CDH13: variants seen among roughly 807,000 people sequenced by gnomAD.
CDH13 encodes cadherin 13.
A neutral mutation model predicts 63.8 loss-of-function variants in CDH13; 24 were observed. The ratio of observed to expected loss-of-function variants is 0.38; its 90% CI spans 0.27 to 0.53. The LOEUF (loss-of-function observed/expected upper bound fraction) is 0.53, where lower values mean the gene tolerates loss of function less well. Among genes scored for constraint, CDH13 ranks in the 20% least tolerant of loss-of-function variants. The pLI is 0.85. For synonymous variants in CDH13, 503 were observed against 355.3 expected, an observed-to-expected ratio of 1.42 and a Z score of -4.67; for missense variants, 1,049 against 903.1, an observed-to-expected ratio of 1.16 and a Z score of -2.07.
chr16:82,972,247 A>C (rs1908866612), intron 2 of CDH13, among the ~76,000 whole-genome samples: 1 of 151,956 alleles, frequency 6.6e-6, no homozygotes, highest in African/African-American at 2.4e-5. Context: ...GAAATCTACT[A>C]TAGAGAAACG....
intron 1 of CDH13, among the ~76,000 whole-genome samples, chr16:82,724,192 C>G (rs973585192): frequency 2.0e-5 from 3 of 152,200 alleles, no homozygotes; most frequent in Admixed American, 6.5e-5. Context: ...CATTTTTGTT[C>G]TCAGACAAGT....
intron 10 of CDH13, among the ~76,000 whole-genome samples, chr16:83,715,705 G>T (rs1908793829): frequency 6.6e-6 from 1 of 152,164 alleles, no homozygotes; most frequent in African/African-American, 2.4e-5. Flanking sequence ...CTGATGCTCG[G>T]TGCCAACTGT....
rs1567731430 is a variant in CDH13 at position 83,000,220 on chromosome 16, C to CTTTTTTTTTTTTTTTTTTTTTTT, written c.158-31788_158-31787insTTTTTTTTTTTTTTTTTTTTTTT. ...TCCCTAGGAATATCCACAGGTTTAGCTTATTTTTTTTTTTTTTTTTTTTTT... is the reference window on the plus strand; with the variant it reads ...TCCCTAGGAATATCCACAGGTTTAGCTTTTTTTTTTTTTTTTTTTTTTTTTATTTTTTTTTTTTTTTTTTTTTT... On this transcript the variant is annotated intron_variant, in intron 2 of 13. Transcript: ENST00000567109. Among the ~76,000 whole-genome samples the CTTTTTTTTTTTTTTTTTTTTTTT allele has an allele frequency of 8.8e-5, 3 of 33,948 alleles. 1 individual carries two copies. Among genetic ancestry groups the CTTTTTTTTTTTTTTTTTTTTTTT allele is most frequent in the African/African-American group, 3.1e-4 (3 of 9,652 alleles). The allele number at this position is 33,948 out of a possible 152,430, so 22.3% of individuals were successfully genotyped here.
chr16:83,079,888 C>T (rs763060403), intron 3 of CDH13, among the ~76,000 whole-genome samples: 17 of 152,166 alleles, frequency 1.1e-4, no homozygotes, highest in African/African-American at 3.9e-4. Context: ...TCATTAAAAA[C>T]AAGCTTATTT....
intron 10 of CDH13, among the ~76,000 whole-genome samples, chr16:83,680,303 C>G (rs1011727498): frequency 5.9e-5 from 9 of 152,180 alleles, no homozygotes; most frequent in Non-Finnish European, 1.3e-4. Flanking sequence ...CTCCCTGCTC[C>G]AGGCACCTTG....
At chr16:83,176,973 C>T (rs1567479303) in intron 4 of CDH13, among the ~76,000 whole-genome samples, 1 of 152,040 alleles carries the variant, frequency 6.6e-6, no homozygotes, top group Non-Finnish European at 1.5e-5. Context: ...GTTTTTACCC[C>T]GGATGCCATG....
rs8054668 is a variant in CDH13 at position 83,251,229 on chromosome 16, C to A, written c.636+33732C>A. Among the ~76,000 whole-genome samples the A allele has an allele frequency of 2.6e-5, 4 of 151,950 alleles. No homozygotes were observed. In the East Asian group the frequency reaches 5.8e-4, roughly 22 times the overall value. On this transcript the variant is annotated intron_variant, in intron 5 of 13. Transcript: ENST00000567109. ...TAGGATCTCTGGGCACTATTTCTTACAACTGTGTGTGAATCAACAATGATC... is the reference window on the plus strand; with the variant it reads ...TAGGATCTCTGGGCACTATTTCTTAAAACTGTGTGTGAATCAACAATGATC...
intron 5 of CDH13, among the ~76,000 whole-genome samples, chr16:83,236,230 C>T (rs911922509): frequency 1.8e-4 from 13 of 73,282 alleles, no homozygotes; most frequent in Non-Finnish European, 2.6e-4. Flanking sequence ...GCAACACACA[C>T]GCACATGCAC....
intron 8 of CDH13, among the ~76,000 whole-genome samples, chr16:83,660,532 C>G (rs1875277567): frequency 6.6e-6 from 1 of 152,198 alleles, no homozygotes; most frequent in African/African-American, 2.4e-5. Context: ...TCCCACAGCT[C>G]ACCTCCTTCT....
At chr16:83,395,592 T>A (rs929338657) in intron 6 of CDH13, among the ~76,000 whole-genome samples, 1 of 152,076 alleles carries the variant, frequency 6.6e-6, no homozygotes, top group African/African-American at 2.4e-5. Context: ...GGGTTGACAT[T>A]GAAGTGTTGA....
At chr16:82,867,615 T>G (rs2040194298) in intron 2 of CDH13, among the ~76,000 whole-genome samples, 1 of 152,212 alleles carries the variant, frequency 6.6e-6, no homozygotes. Context: ...TAATCATATT[T>G]GTACTTAACA....
intron 7 of CDH13, among the ~76,000 whole-genome samples, chr16:83,495,170 A>G (rs1263930962): frequency 1.3e-5 from 2 of 152,200 alleles, no homozygotes; most frequent in Admixed American, 6.5e-5. Flanking sequence ...CCCTGAGAAC[A>G]TATGCCCAAG....
chr16:82,734,497 G>A (rs2033568235), intron 1 of CDH13, among the ~76,000 whole-genome samples: 2 of 152,142 alleles, frequency 1.3e-5, no homozygotes, highest in Non-Finnish European at 2.9e-5. Context: ...GGCACGTGGG[G>A]GCCACTGTAG....
At chr16:83,134,739 T>C (rs538322839) in intron 4 of CDH13, among the ~76,000 whole-genome samples, 1 of 152,238 alleles carries the variant, frequency 6.6e-6, no homozygotes, top group Admixed American at 6.5e-5. Context: ...TAATAAAAGC[T>C]ATGTTCACCA....
In CDH13 at chr16:83,620,854, G is replaced by T. The variant is rs55794840; in HGVS notation, c.1101+18260G>T. On this transcript the variant is annotated intron_variant, in intron 8 of 13. Transcript: ENST00000567109. ...AAGTGTCCTATCAAGAACGGCAATT[G>T]TGTCGTGAGTTTCTGTGAAAAGCAA... 5.0e-3 allele frequency among the ~76,000 whole-genome samples: 761 copies of T among 152,302 alleles called. 1 individual carries two copies. Among genetic ancestry groups the T allele is most frequent in the Non-Finnish European group, 8.3e-3 (563 of 68,028 alleles).
intron 2 of CDH13, among the ~76,000 whole-genome samples, chr16:82,878,532 A>G (rs1462148578): frequency 9.7e-6 from 1 of 103,516 alleles, no homozygotes; most frequent in East Asian, 1.7e-3. Flanking sequence ...AACACACTCT[A>G]AACACACAGG....
At chr16:82,690,242 A>G (rs1915515318) in intron 1 of CDH13, among the ~76,000 whole-genome samples, 2 of 151,532 alleles carry the variant, frequency 1.3e-5, no homozygotes, top group Admixed American at 1.3e-4. Flanking sequence ...GGAAATAAAT[A>G]TGAAGAAGAA....
chr16:83,663,864 T>A (rs1913677765), intron 8 of CDH13, among the ~76,000 whole-genome samples: 1 of 151,948 alleles, frequency 6.6e-6, no homozygotes, highest in Admixed American at 6.6e-5. Flanking sequence ...TTTAATCAGA[T>A]AAAGAGAGGA....
chr16:83,733,663 C>A (rs1190502722), intron 10 of CDH13, among the ~76,000 whole-genome samples: 1 of 152,128 alleles, frequency 6.6e-6, no homozygotes, highest in South Asian at 2.1e-4. Context: ...GACCCAGGTG[C>A]CAGAGCAAAG....
Sources: allele counts gnomAD v4.1 joint callset (sites outside exome capture counted in the v4.1 genomes callset), GRCh38; gene constraint gnomAD v4.1.1; transcripts MANE v1.5; gene names NCBI Gene and HGNC (gene_info 2026-07-23, HGNC 2026-07-21).